Variants in GABRG3 observed in about 807,000 individuals in gnomAD.
The protein encoded by GABRG3 is gamma-aminobutyric acid receptor subunit gamma-3.
GABRG3 carries 25 observed loss-of-function variants against 48.8 expected under a neutral mutation model. That is an observed-to-expected ratio of 0.51 (90% CI 0.37 to 0.72). The LOEUF is 0.72. Ranked by LOEUF, GABRG3 falls within the 30% of genes least tolerant of loss-of-function variation. The pLI is 0.00. For synonymous variants in GABRG3, 227 were observed against 217.6 expected (o/e 1.04, Z -0.38); for missense variants, 394 against 577.9 (o/e 0.68, Z 3.26).
intron 3 of GABRG3, among the ~76,000 whole-genome samples, chr15:27,130,848 G>A (rs917149259): frequency 6.6e-6 from 1 of 151,888 alleles, no homozygotes; most frequent in East Asian, 1.9e-4. Flanking sequence ...AACTGATTTG[G>A]GGTGTTGACT....
chr15:27,114,195 AT>A (rs1897603277), intron 3 of GABRG3, among the ~76,000 whole-genome samples: 1 of 152,224 alleles, frequency 6.6e-6, no homozygotes, highest in Non-Finnish European at 1.5e-5. Flanking sequence ...AGAATGACTA[AT>A]TATTCAAAGG....
chr15:27,153,232 T>G (rs1488783966), intron 3 of GABRG3, among the ~76,000 whole-genome samples: 1 of 152,226 alleles, frequency 6.6e-6, no homozygotes, highest in East Asian at 1.9e-4. Context: ...ATCTCATTAT[T>G]TCAGATGGTT....
chr15:27,172,470 C>T (rs1466659875), intron 3 of GABRG3, among the ~76,000 whole-genome samples: 1 of 152,164 alleles, frequency 6.6e-6, no homozygotes, highest in Non-Finnish European at 1.5e-5. Flanking sequence ...GAGCCCTTCA[C>T]TTGACGTTTG....
intron 5 of GABRG3, among the ~76,000 whole-genome samples, chr15:27,448,555 T>C (rs894296850): frequency 2.0e-5 from 3 of 152,226 alleles, no homozygotes; most frequent in Admixed American, 6.5e-5. Context: ...TCAAATCAGT[T>C]TGGCAAGTTT....
At chr15:27,258,110 G>A (rs1185591796) in intron 3 of GABRG3, among the ~76,000 whole-genome samples, 3 of 152,144 alleles carry the variant, frequency 2.0e-5, no homozygotes, top group Non-Finnish European at 1.5e-5. Flanking sequence ...GGGCTGAGGG[G>A]TGGCCATGGC....
chr15:27,238,936 C>T (rs564199601), intron 3 of GABRG3, among the ~76,000 whole-genome samples: 32 of 152,080 alleles, frequency 2.1e-4, no homozygotes, highest in Non-Finnish European at 4.6e-4. Context: ...ACAAAATAAA[C>T]AAACAGAAAC....
At chr15:27,437,733 T>C (rs1888662478) in intron 5 of GABRG3, among the ~76,000 whole-genome samples, 1 of 152,210 alleles carries the variant, frequency 6.6e-6, no homozygotes, top group Non-Finnish European at 1.5e-5. Flanking sequence ...TACCTAAGGC[T>C]GGGTGATTTA....
At chr15:27,488,679 C>T (rs1890275507) in intron 6 of GABRG3, among the ~76,000 whole-genome samples, 1 of 152,116 alleles carries the variant, frequency 6.6e-6, no homozygotes, top group South Asian at 2.1e-4. Flanking sequence ...GAGAAAATGA[C>T]CCTTAATTTG....
chr15:27,417,524 C>T (rs1314249842), intron 5 of GABRG3, among the ~76,000 whole-genome samples: 2 of 152,110 alleles, frequency 1.3e-5, no homozygotes, highest in Non-Finnish European at 2.9e-5. Flanking sequence ...TGCTTCTCCC[C>T]ACTTCCATCC....
At chr15:27,155,813 A>C (rs1898409001) in intron 3 of GABRG3, among the ~76,000 whole-genome samples, 1 of 152,050 alleles carries the variant, frequency 6.6e-6, no homozygotes, top group Non-Finnish European at 1.5e-5. Context: ...GAAGCTCATT[A>C]CTGTTTAGAG....
At chr15:27,480,866 C>G (rs749828005) in intron 6 of GABRG3, 79 bp downstream of exon 6, 1 of 1,535,994 alleles carries the variant, frequency 6.5e-7, no homozygotes, top group Admixed American at 2.2e-5. Flanking sequence ...CCTTAATGTA[C>G]AAGCCTTTTG....
intron 2 of GABRG3, among the ~76,000 whole-genome samples, chr15:27,006,801 C>G (rs1331301164): frequency 6.6e-6 from 1 of 151,984 alleles, no homozygotes; most frequent in Admixed American, 6.5e-5. Flanking sequence ...ATAATGGTCT[C>G]CAACTCTATG....
At chr15:27,034,405 T>G (rs771793947) in intron 3 of GABRG3, among the ~76,000 whole-genome samples, 3 of 152,140 alleles carry the variant, frequency 2.0e-5, no homozygotes, top group Non-Finnish European at 2.9e-5. Context: ...AAAAAAGAAG[T>G]GAAAAATAAT....
chr15:27,192,179 T>C (rs1401171583), intron 3 of GABRG3, among the ~76,000 whole-genome samples: 2 of 152,190 alleles, frequency 1.3e-5, no homozygotes, highest in African/African-American at 4.8e-5. Flanking sequence ...ATTTCAACTT[T>C]GGTGAATCTG....
chr15:27,142,517 A>G (rs1035528498), intron 3 of GABRG3, among the ~76,000 whole-genome samples: 32 of 152,172 alleles, frequency 2.1e-4, no homozygotes, highest in African/African-American at 7.7e-4. Context: ...CACCCTCATG[A>G]TTCAATTATC....
At chr15:27,373,179 T>C (rs1895470944) in intron 5 of GABRG3, among the ~76,000 whole-genome samples, 1 of 152,206 alleles carries the variant, frequency 6.6e-6, no homozygotes, top group Non-Finnish European at 1.5e-5. Flanking sequence ...TCTGAGTGTA[T>C]TTCTACCTAG....
intron 3 of GABRG3, among the ~76,000 whole-genome samples, chr15:27,103,455 A>T (rs1897395254): frequency 6.6e-6 from 1 of 152,120 alleles, no homozygotes; most frequent in Admixed American, 6.5e-5. Flanking sequence ...ATGTCCAACT[A>T]GGGTGGCCAG....
chr15:27,486,408 AAGTTGATTC>A (rs1327017399), intron 6 of GABRG3, among the ~76,000 whole-genome samples: 2 of 152,224 alleles, frequency 1.3e-5, no homozygotes, highest in Non-Finnish European at 2.9e-5. Flanking sequence ...GATGTTTTTG[AAGTTGATTC>A]AGTCTTTACG....
chr15:27,057,621 G>A (rs1417950935), intron 3 of GABRG3, among the ~76,000 whole-genome samples: 1 of 152,120 alleles, frequency 6.6e-6, no homozygotes, highest in African/African-American at 2.4e-5. Flanking sequence ...GGAGAGAGGT[G>A]TCCTGGCCGC....
Sources: gnomAD v4.1 joint callset for allele counts (sites outside exome capture counted in the v4.1 genomes callset) on GRCh38, gnomAD v4.1.1 for gene constraint, MANE v1.5 for transcripts, NCBI Gene and HGNC (gene_info 2026-07-23, HGNC 2026-07-21) for gene names.